The following UBR4 variants were observed in gnomAD, a reference collection of about 807,000 sequenced individuals.
UBR4 encodes the protein ubiquitin protein ligase E3 component n-recognin 4, also known as E3 ubiquitin-protein ligase UBR4.
A neutral mutation model predicts 575.6 loss-of-function variants in UBR4; 124 were observed. The observed-to-expected ratio is 0.22, with a 90% CI of 0.19 to 0.25. The LOEUF (loss-of-function observed/expected upper bound fraction) is 0.25, where lower values mean the gene tolerates loss of function less well. Ranked by LOEUF, UBR4 falls within the 10% of genes least tolerant of loss-of-function variation. UBR4 has a pLI of 1.00. For missense variants in UBR4, 4,818 were observed against 6,478.8 expected, an observed-to-expected ratio of 0.74 and a Z score of 8.80; for synonymous variants, 2,455 against 2,473.7, an observed-to-expected ratio of 0.99 and a Z score of 0.22.
intron 38 of UBR4, 23 bp downstream of exon 38, chr1:19,160,894 T>C (rs1210782571): frequency 1.9e-6 from 3 of 1,610,056 alleles, no homozygotes; most frequent in South Asian, 2.2e-5. Flanking sequence ...GTCTGCTTAC[T>C]AGGGAGCATC....
At chr1:19,090,121 C>T (rs1466699290) in intron 97 of UBR4, among the ~76,000 whole-genome samples, 1 of 152,214 alleles carries the variant, frequency 6.6e-6, no homozygotes, top group Non-Finnish European at 1.5e-5. Context: ...CCACCATTCA[C>T]CTCATCACTC....
intron 44 of UBR4, 97 bp from the exon 45 acceptor site, chr1:19,154,036 C>G: frequency 1.5e-6 from 2 of 1,354,744 alleles, no homozygotes; most frequent in African/African-American, 1.5e-5. Context: ...CTACGTGACT[C>G]CAAAGCAATA....
intron 64 of UBR4, among the ~76,000 whole-genome samples, chr1:19,126,206 G>T (rs769683656): frequency 6.6e-6 from 1 of 152,120 alleles, no homozygotes; most frequent in Non-Finnish European, 1.5e-5. Flanking sequence ...AATGTGAAAC[G>T]AGATAACCAT....
intron 97 of UBR4, 185 bp downstream of exon 97, chr1:19,092,634 G>C: frequency 1.9e-6 from 1 of 515,764 alleles, no homozygotes; most frequent in Non-Finnish European, 3.4e-6. Context: ...ACTTAAGAAT[G>C]AGTTGAATGA....
At chr1:19,084,863 GGAC>G (rs966359398) in intron 101 of UBR4, among the ~76,000 whole-genome samples, 165 bp from the exon 102 acceptor site, 1 of 152,346 alleles carries the variant, frequency 6.6e-6, no homozygotes, top group East Asian at 1.9e-4. Flanking sequence ...GGGGCCAGCA[GGAC>G]GACAAGGCCA....
chr1:19,097,114 G>A (rs967814080), intron 91 of UBR4, 79 bp downstream of exon 91: 19 of 1,205,346 alleles, frequency 1.6e-5, no homozygotes, highest in Admixed American at 2.8e-5. Context: ...AGAAGCAACT[G>A]AGAATGCCCC....
At position 19,129,656 on chromosome 1, in the gene UBR4, C is replaced by T. The variant is rs191118135; in HGVS notation, c.8907-582G>A. 2.5e-4 allele frequency among the ~76,000 whole-genome samples: 38 copies of T among 152,248 alleles called. No homozygotes were observed. The East Asian group carries it at 5.8e-3, about 23-fold the overall frequency. On this transcript the variant is annotated intron_variant, in intron 60 of 105. Coordinates refer to ENST00000375254, the MANE Select transcript of UBR4 (RefSeq NM_020765.3). Reference sequence around the variant, plus strand: ...GTCCTACTGGACCCATGAGTTTTCCCGTATAATCAACTGGCCATTACCTAG... The same window carrying T: ...GTCCTACTGGACCCATGAGTTTTCCTGTATAATCAACTGGCCATTACCTAG...
intron 93 of UBR4, 86 bp from the exon 94 acceptor site, chr1:19,095,111 C>T: frequency 6.3e-7 from 1 of 1,587,496 alleles, no homozygotes; most frequent in Non-Finnish European, 8.6e-7. Flanking sequence ...GATGCCCTCA[C>T]AGCCTTACTC....
chr1:19,101,451 C>A (rs900136044), intron 88 of UBR4, 69 bp downstream of exon 88: 9 of 1,534,560 alleles, frequency 5.9e-6, no homozygotes, highest in South Asian at 1.2e-5. Flanking sequence ...TAATGAATCA[C>A]CAAGAGGCTT....
At chr1:19,107,083 G>T (rs2079294005) in intron 81 of UBR4, 117 bp from the exon 82 acceptor site, 2 of 1,428,380 alleles carry the variant, frequency 1.4e-6, no homozygotes, top group Admixed American at 2.2e-5. Context: ...AGATCAGGAG[G>T]ATCAACACGT....
intron 74 of UBR4, among the ~76,000 whole-genome samples, 173 bp from the exon 75 acceptor site, chr1:19,115,122 C>G (rs982009299): frequency 1.2e-4 from 19 of 152,038 alleles, no homozygotes; most frequent in African/African-American, 4.6e-4. Flanking sequence ...AAAGCAAGAC[C>G]CAGAGCTAAA....
chr1:19,135,467 TATC>T (rs1216735450), intron 60 of UBR4, among the ~76,000 whole-genome samples: 1 of 152,248 alleles, frequency 6.6e-6, no homozygotes, highest in Non-Finnish European at 1.5e-5. Flanking sequence ...TATGGCTCTA[TATC>T]AATTTGAAGA....
intron 94 of UBR4, among the ~76,000 whole-genome samples, chr1:19,094,473 C>T (rs1044981234): frequency 6.6e-6 from 1 of 152,194 alleles, no homozygotes; most frequent in African/African-American, 2.4e-5. Flanking sequence ...GAGGAAATTA[C>T]AGGCATAGCA....
rs753795315 is a variant in UBR4 at position 19,165,763 on chromosome 1, G to C, written c.4110-6C>G. 5.0e-6 allele frequency: 8 copies of C among 1,608,166 alleles called. No homozygotes were observed. Among genetic ancestry groups the C allele is most frequent in the Non-Finnish European group, 6.8e-6 (8 of 1,177,798 alleles). Reference sequence around the variant, plus strand: ...GGATGGATTCATCCAGTCCACTGAGGATCAAACGGAAAACTTAACCACCAG... The same window carrying C: ...GGATGGATTCATCCAGTCCACTGAGCATCAAACGGAAAACTTAACCACCAG... On this transcript the variant is annotated splice_region_variant and splice_polypyrimidine_tract_variant and intron_variant, in intron 29 of 105. Transcript: ENST00000375254.
chr1:19,148,384 C>T (rs1270162828), intron 50 of UBR4, among the ~76,000 whole-genome samples, 179 bp downstream of exon 50: 3 of 152,198 alleles, frequency 2.0e-5, no homozygotes, highest in Non-Finnish European at 1.5e-5. Flanking sequence ...CACACGCTCA[C>T]TATGGGCCCG....
intron 1 of UBR4, among the ~76,000 whole-genome samples, chr1:19,209,582 A>G (rs1302641502): frequency 6.6e-6 from 1 of 152,238 alleles, no homozygotes; most frequent in East Asian, 1.9e-4. Context: ...CAAGGAGTGC[A>G]ACGTAAAAAG....
intron 39 of UBR4, among the ~76,000 whole-genome samples, chr1:19,158,551 C>T (rs376060183): frequency 1.3e-4 from 20 of 152,112 alleles, no homozygotes; most frequent in East Asian, 1.9e-4. Flanking sequence ...TCGAATTCCC[C>T]GGTTCAGGCA....
intron 60 of UBR4, among the ~76,000 whole-genome samples, chr1:19,130,375 T>A (rs1469770626): frequency 6.6e-6 from 1 of 152,028 alleles, no homozygotes; most frequent in East Asian, 1.9e-4. Flanking sequence ...CTACAAAAAA[T>A]TTAAAAATTA....
rs1045488997 is a variant in UBR4 at position 19,154,806 on chromosome 1, C to A, written c.6458+112G>T. On this transcript the variant is annotated intron_variant, in intron 44 of 105. Coordinates refer to ENST00000375254, the MANE Select transcript of UBR4 (RefSeq NM_020765.3). ...CTAGCAGGGGAGAAAAAAAGGTTGGCTGGAGAAAATTAAGTTTCACAAAAC... is the reference window on the plus strand; with the variant it reads ...CTAGCAGGGGAGAAAAAAAGGTTGGATGGAGAAAATTAAGTTTCACAAAAC... 3.4e-6 allele frequency: 5 copies of A among 1,473,864 alleles called. No homozygotes were observed. In the South Asian group the frequency reaches 5.0e-5, roughly 15 times the overall value. 91.3% of individuals were successfully genotyped at this position (1,473,864 alleles called of 1,614,324 possible).
Sources: gnomAD v4.1 joint callset for allele counts (sites outside exome capture counted in the v4.1 genomes callset) on GRCh38, gnomAD v4.1.1 for gene constraint, MANE v1.5 for transcripts, NCBI Gene and HGNC (gene_info 2026-07-23, HGNC 2026-07-21) for gene names.